CACNA1E: variants seen among roughly 807,000 people sequenced by gnomAD.
CACNA1E encodes voltage-dependent R-type calcium channel subunit alpha-1E.
CACNA1E carries 40 observed loss-of-function variants against 259.2 expected under a neutral mutation model. That is an observed-to-expected ratio of 0.15 (90% CI 0.12 to 0.20). CACNA1E has a LOEUF of 0.20. Ranked by LOEUF, CACNA1E falls within the 10% of genes least tolerant of loss-of-function variation. The pLI is 1.00. For synonymous variants in CACNA1E, 1,104 were observed against 1,138.5 expected, an observed-to-expected ratio of 0.97 and a Z score of 0.61; for missense variants, 1,874 against 3,040.1, an observed-to-expected ratio of 0.62 and a Z score of 9.02.
At position 181,801,543 on chromosome 1, in the gene CACNA1E, A is replaced by C. The variant is rs766236283; in HGVS notation, c.*2709A>C. 15 of 152,182 alleles carry C rather than the reference A, an allele frequency of 9.9e-5. No individual in the cohort carries two copies. The highest frequency in any genetic ancestry group is 1.5e-5 in the Non-Finnish European group (1 of 68,034). 9.4% of individuals were successfully genotyped at this position (152,182 alleles called of 1,614,324 possible). ...TCAGCCTGCACTTACTCTTCTATTA[A>C]GACCAGAAAATAAAATAATTTTCCG... On this transcript the variant is annotated 3_prime_UTR_variant, in exon 48 of 48. Transcript: ENST00000367573.
chr1:181,563,570 G>A (rs761344829), intron 3 of CACNA1E, among the ~76,000 whole-genome samples: 24 of 152,160 alleles, frequency 1.6e-4, no homozygotes, highest in Admixed American at 1.2e-3. Context: ...GTCAGTGTTT[G>A]ATGTCATGAG....
At chr1:181,765,603 C>G (rs1037859144) in intron 34 of CACNA1E, among the ~76,000 whole-genome samples, 4 of 152,186 alleles carry the variant, frequency 2.6e-5, no homozygotes, top group African/African-American at 9.7e-5. Context: ...AAAGCTCTGC[C>G]CTGCTCATGC....
chr1:181,391,535 C>T (rs1656275849), intron 1 of CACNA1E, among the ~76,000 whole-genome samples: 1 of 152,004 alleles, frequency 6.6e-6, no homozygotes, highest in South Asian at 2.1e-4. Context: ...GTGGGAGGGG[C>T]TGTCTGGGGG....
chr1:181,572,984 A>G (rs183552258), intron 3 of CACNA1E, among the ~76,000 whole-genome samples: 71 of 152,286 alleles, frequency 4.7e-4, no homozygotes, highest in African/African-American at 1.6e-3. Context: ...TGGACTAAGG[A>G]ACAGTGGACC....
chr1:181,631,638 C>A (rs960332576), intron 6 of CACNA1E, among the ~76,000 whole-genome samples: 3 of 152,124 alleles, frequency 2.0e-5, no homozygotes, highest in African/African-American at 7.2e-5. Context: ...CTCCTGCCTG[C>A]CCCCTCAGTG....
chr1:181,449,470 G>T (rs1661007502), intron 2 of CACNA1E, among the ~76,000 whole-genome samples: 1 of 152,198 alleles, frequency 6.6e-6, no homozygotes, highest in Admixed American at 6.5e-5. Flanking sequence ...TTCTGTCTTT[G>T]CACATTGATT....
intron 1 of CACNA1E, among the ~76,000 whole-genome samples, chr1:181,393,012 C>G (rs1198964265): frequency 6.6e-6 from 1 of 152,140 alleles, no homozygotes; most frequent in African/African-American, 2.4e-5. Context: ...TTGCAGATAT[C>G]TGTGTTGGAA....
chr1:181,746,111 C>T (rs1657058811), intron 25 of CACNA1E, among the ~76,000 whole-genome samples: 1 of 152,102 alleles, frequency 6.6e-6, no homozygotes, highest in African/African-American at 2.4e-5. Flanking sequence ...AGGGTGACCC[C>T]AAGAAATGCT....
intron 1 of CACNA1E, among the ~76,000 whole-genome samples, chr1:181,362,452 A>G (rs753896877): frequency 1.3e-5 from 2 of 152,146 alleles, no homozygotes; most frequent in African/African-American, 4.8e-5. Flanking sequence ...GTCGGTCCAT[A>G]GGTATGTAGT....
intron 1 of CACNA1E, among the ~76,000 whole-genome samples, chr1:181,327,589 C>T (rs1476985986): frequency 6.6e-6 from 1 of 152,156 alleles, no homozygotes. Flanking sequence ...TCACTGTATA[C>T]CCACAGCTCC....
At chr1:181,740,122 G>A (rs1656423413) in intron 25 of CACNA1E, among the ~76,000 whole-genome samples, 2 of 152,150 alleles carry the variant, frequency 1.3e-5, no homozygotes, top group African/African-American at 2.4e-5. Context: ...GCCTCTTCCA[G>A]GAGGCACAAC....
At chr1:181,544,520 A>G (rs1647245981) in intron 3 of CACNA1E, among the ~76,000 whole-genome samples, 1 of 152,262 alleles carries the variant, frequency 6.6e-6, no homozygotes, top group Admixed American at 6.5e-5. Context: ...TGGCAACAAA[A>G]GTACAAATAT....
In CACNA1E at chr1:181,545,422, C is replaced by G. The variant is rs927648617; in HGVS notation, c.513-32344C>G. Among the ~76,000 whole-genome samples, 10 of 152,148 alleles carry G rather than the reference C, an allele frequency of 6.6e-5. No individual in the cohort carries two copies. In the East Asian group the frequency reaches 1.9e-3, roughly 29 times the overall value. ...ATTCCAGGGACTCAGCGCACTGAGG[C>G]AGGGAAGACAGTGGTCCAGTTGGTG... On this transcript the variant is annotated intron_variant, in intron 3 of 47. Coordinates refer to ENST00000367573, the MANE Select transcript of CACNA1E (RefSeq NM_001205293.3).
Position 181,395,609 on chromosome 1 carries a change from AT to A in CACNA1E, c.-14-17521del, listed in dbSNP as rs199776287. 6.8e-3 allele frequency among the ~76,000 whole-genome samples: 1,041 copies of A among 152,322 alleles called. 4 individuals are homozygous for A. Among genetic ancestry groups the A allele is most frequent in the Non-Finnish European group, 0.01 (704 of 68,036 alleles). ...TACATTTCAAGTATTTGGAAAAAAT[AT>A]TTGGAACTTTCAACAAGCAGGTACC... is the stretch of plus-strand genomic sequence containing the variant. On this transcript the variant is annotated intron_variant, in intron 1 of 11. Transcript: ENST00000524607.
rs193011748 is a variant in CACNA1E, at chr1:181,804,703, G to A, written c.*5869G>A. On this transcript the variant is annotated 3_prime_UTR_variant, in exon 48 of 48. Coordinates refer to ENST00000367573, the MANE Select transcript of CACNA1E (RefSeq NM_001205293.3). ...ACTCATGATGTAAAGTGTCTGTTAA[G>A]TTAATAATACATAATTTAAAGCACT... The A allele has an allele frequency of 1.3e-5, 2 of 152,176 alleles. No individual in the cohort carries two copies. The highest frequency in any genetic ancestry group is 1.3e-4 in the Admixed American group (2 of 15,298). 9.4% of individuals were successfully genotyped at this position (152,176 alleles called of 1,614,324 possible).
intron 1 of CACNA1E, among the ~76,000 whole-genome samples, chr1:181,320,806 T>C (rs1032130916): frequency 6.6e-6 from 1 of 152,196 alleles, no homozygotes; most frequent in Non-Finnish European, 1.5e-5. Context: ...TAACTCATGT[T>C]ACCCCCGTTT....
At chr1:181,768,826 A>G (rs1442189984) in intron 35 of CACNA1E, among the ~76,000 whole-genome samples, 1 of 152,262 alleles carries the variant, frequency 6.6e-6, no homozygotes, top group Admixed American at 6.5e-5. Flanking sequence ...TTGTTGCTAG[A>G]GAGACTGTTT....
At chr1:181,421,838 C>T (rs906438878) in intron 2 of CACNA1E, among the ~76,000 whole-genome samples, 7 of 152,306 alleles carry the variant, frequency 4.6e-5, no homozygotes, top group South Asian at 2.1e-4. Flanking sequence ...GGCCTGCTAA[C>T]GTGTCTTTGC....
At position 181,548,651 on chromosome 1, in the gene CACNA1E, G is replaced by C. The variant is rs748916331; in HGVS notation, c.513-29115G>C. Among the ~76,000 whole-genome samples the C allele has an allele frequency of 1.3e-4, 20 of 152,226 alleles. No individual in the cohort carries two copies. In the South Asian group the frequency reaches 1.5e-3, roughly 11 times the overall value. On this transcript the variant is annotated intron_variant, in intron 3 of 47. Coordinates refer to ENST00000367573, the MANE Select transcript of CACNA1E (RefSeq NM_001205293.3). ...AGTTAACAGTAGCTTACCCTCATGT[G>C]GTTTATCTACACAGCCCAGGGCTTT...
Sources: allele counts gnomAD v4.1 joint callset (sites outside exome capture counted in the v4.1 genomes callset), GRCh38; gene constraint gnomAD v4.1.1; transcripts MANE v1.5; gene names NCBI Gene and HGNC (gene_info 2026-07-23, HGNC 2026-07-21).